IL21R: variants seen among roughly 807,000 people sequenced by gnomAD.
IL21R encodes interleukin-21 receptor.
IL21R carries 14 observed loss-of-function variants against 41.3 expected under a neutral mutation model. The ratio of observed to expected loss-of-function variants is 0.34; its 90% CI spans 0.22 to 0.53. The LOEUF is 0.53. IL21R is among the 20% of genes least tolerant of loss of function. IL21R has a pLI of 0.94. For missense variants in IL21R, 588 were observed against 681.6 expected, an observed-to-expected ratio of 0.86 and a Z score of 1.53; for synonymous variants, 286 against 287.6, an observed-to-expected ratio of 0.99 and a Z score of 0.05.
intron 4 of IL21R, among the ~76,000 whole-genome samples, chr16:27,438,970 A>T (rs1227743632): frequency 2.4e-4 from 37 of 151,752 alleles, no homozygotes; most frequent in Non-Finnish European, 1.5e-5. Flanking sequence ...GTGTACCCAA[A>T]GCGGCCCCAG....
At chr16:27,430,519 T>G (rs866854946) in intron 2 of IL21R, among the ~76,000 whole-genome samples, 5 of 152,296 alleles carry the variant, frequency 3.3e-5, no homozygotes, top group Middle Eastern at 6.8e-3. Flanking sequence ...TTGGAAATGT[T>G]TTTCAACAAT....
At chr16:27,421,335 C>CA (rs35250936) in intron 1 of IL21R, among the ~76,000 whole-genome samples, 8,062 of 84,118 alleles carry the variant, frequency 0.096, 410 homozygotes, top group East Asian at 0.12. Context: ...TCAATTTCTG[C>CA]AAAAAAAAAA....
intron 3 of IL21R, among the ~76,000 whole-genome samples, chr16:27,437,220 G>C: frequency 6.6e-6 from 1 of 152,208 alleles, no homozygotes; most frequent in Middle Eastern, 3.2e-3. Flanking sequence ...CCAAAATTGA[G>C]AGCTGCTGCC....
chr16:27,446,206 A>T, intron 8 of IL21R, 118 bp downstream of exon 8: 1 of 685,212 alleles, frequency 1.5e-6, no homozygotes, highest in Non-Finnish European at 2.4e-6. Flanking sequence ...TCCAGGTCTC[A>T]GCCAAGCCAC....
chr16:27,433,624 C>T (rs185724023), intron 2 of IL21R, among the ~76,000 whole-genome samples: 6 of 152,212 alleles, frequency 3.9e-5, no homozygotes, highest in Admixed American at 2.0e-4. Context: ...TAGAACACAG[C>T]GAAACAATTA....
intron 1 of IL21R, among the ~76,000 whole-genome samples, chr16:27,405,644 G>A (rs62030030): frequency 0.02 from 3,017 of 152,268 alleles, 49 homozygotes; most frequent in Middle Eastern, 0.031. Context: ...CCTGCCCTCC[G>A]GAGCCCCCGG....
chr16:27,436,473 T>C (rs535552400), intron 3 of IL21R, among the ~76,000 whole-genome samples: 1 of 152,222 alleles, frequency 6.6e-6, no homozygotes, highest in African/African-American at 2.4e-5. Context: ...CTGGGAGGCT[T>C]GGAGAGCATT....
In IL21R at chr16:27,451,891, ATGAT is replaced by A. The variant is rs1351690680; in HGVS notation, c.*2611_*2614del. ...CTTTAATAAAAAGCTTGAAGGAAGA[ATGAT>A]TGGTTGGATAGACAGAGATAAATGC... On this transcript the variant is annotated 3_prime_UTR_variant, in exon 9 of 9. Transcript: ENST00000337929. 4 of 229,886 alleles carry A rather than the reference ATGAT, an allele frequency of 1.7e-5. No individual in the cohort carries two copies. The highest frequency in any genetic ancestry group is 4.4e-5 in the African/African-American group (2 of 45,166). 14.2% of individuals were successfully genotyped at this position (229,886 alleles called of 1,614,324 possible).
Position 27,406,026 on chromosome 16 carries a change from G to A in IL21R, c.-17+3408G>A, listed in dbSNP as rs1184655314. Among the ~76,000 whole-genome samples the A allele has an allele frequency of 2.6e-5, 4 of 152,396 alleles. No homozygotes were observed. In the East Asian group the frequency reaches 7.7e-4, roughly 29 times the overall value. The stretch of plus-strand genomic sequence containing the variant: ...AGGCCCCTGCCATCCCCCACTGTGT[G>A]AACAGGACAAGGCCCTGGGCCTCTC... On this transcript the variant is annotated intron_variant, in intron 1 of 8. Coordinates refer to ENST00000337929, the MANE Select transcript of IL21R (RefSeq NM_181078.3).
rs759494920 is a variant in IL21R, at chr16:27,444,632, G to A, written c.598G>A (p.Val200Met). 8.2e-6 allele frequency: 13 copies of A among 1,591,060 alleles called. No individual in the cohort carries two copies. The highest frequency in any genetic ancestry group is 5.7e-5 in the South Asian group (5 of 87,668). Reference sequence around the variant, plus strand: ...CAAAGACTCGAGCTATGAGCTGCAGGTGCGGGCAGGGCCCATGCCTGGCTC... The same window carrying A: ...CAAAGACTCGAGCTATGAGCTGCAGATGCGGGCAGGGCCCATGCCTGGCTC... ...FRKDSSYELQ[V>M]RAGPMPGSSY... Residue 200 changes from valine (V) to methionine (M), a missense_variant, in exon 6 of 9, where the codon GTG becomes ATG. Physicochemically the swap from Val to Met is conservative, Grantham distance 21. Coordinates refer to ENST00000337929, the MANE Select transcript of IL21R (RefSeq NM_181078.3).
rs369091968 is a variant in IL21R, at chr16:27,451,885, G to A, written c.*2602G>A. On this transcript the variant is annotated 3_prime_UTR_variant, in exon 9 of 9. Transcript: ENST00000337929. ...TAATGGCTTTAATAAAAAGCTTGAA[G>A]GAAGAATGATTGGTTGGATAGACAG... The A allele has an allele frequency of 5.6e-5, 13 of 230,106 alleles. No homozygotes were observed. The highest frequency in any genetic ancestry group is 3.6e-4 in the South Asian group (2 of 5,498). The allele number at this position is 230,106 out of a possible 1,614,324, so 14.3% of individuals were successfully genotyped here.
Position 27,430,095 on chromosome 16 carries a change from C to G in IL21R, c.24C>G (p.Pro8=), listed in dbSNP as rs777584572. The G allele has an allele frequency of 1.9e-6, 3 of 1,605,362 alleles. No homozygotes were observed. Among genetic ancestry groups the G allele is most frequent in the Non-Finnish European group, 2.5e-6 (3 of 1,179,802 alleles). The change falls in exon 2 of 9, where the codon CCC becomes CCG. Residue 8 remains proline, a synonymous_variant. Coordinates refer to ENST00000337929, the MANE Select transcript of IL21R (RefSeq NM_181078.3). The part of the protein sequence containing the change: MPRGWAA[P]LLLLLLQGGW... ...GCATGCCGCGTGGCTGGGCCGCCCC[C>G]TTGCTCCTGCTGCTGCTCCAGGGAG...
At chr16:27,435,613 C>G (rs1357320988) in intron 3 of IL21R, among the ~76,000 whole-genome samples, 1 of 151,602 alleles carries the variant, frequency 6.6e-6, no homozygotes, top group Non-Finnish European at 1.5e-5. Flanking sequence ...ATCACCATAC[C>G]TGGATAATTT....
At position 27,437,513 on chromosome 16, in the gene IL21R, G is replaced by A. The variant is rs1350025238; in HGVS notation, c.178G>A (p.Asp60Asn). Residue 60 changes from aspartate (D) to asparagine (N), a missense_variant, in exon 4 of 9, where the codon GAC becomes AAC. Transcript: ENST00000337929. ...TWQDQYEELK[D>N]EATSCSLHRS... Reference sequence around the variant, plus strand: ...GCAAGACCAGTATGAAGAGCTGAAGGACGAGGCCACCTCCTGCAGCCTCCA... The same window carrying A: ...GCAAGACCAGTATGAAGAGCTGAAGAACGAGGCCACCTCCTGCAGCCTCCA... 6.2e-7 allele frequency: 1 copy of A among 1,613,854 alleles called. No homozygotes were observed. The highest frequency in any genetic ancestry group is 1.3e-5 in the African/African-American group (1 of 74,930).
At chr16:27,434,491 G>A (rs780380744) in intron 3 of IL21R, 42 bp downstream of exon 3, 1 of 1,294,194 alleles carries the variant, frequency 7.7e-7, no homozygotes, top group Non-Finnish European at 1.1e-6. Context: ...ATGCAATTCA[G>A]GGTGCCTGCT....
intron 4 of IL21R, among the ~76,000 whole-genome samples, chr16:27,440,246 T>TAGAG (rs1163938129): frequency 0.017 from 1,360 of 78,454 alleles, 6 homozygotes; most frequent in African/African-American, 0.02. Context: ...TATATATATA[T>TAGAG]ATAGAGAGAG....
At chr16:27,430,267 G>A (rs1254109554) in intron 2 of IL21R, 147 bp downstream of exon 2, 2 of 652,592 alleles carry the variant, frequency 3.1e-6, no homozygotes, top group Non-Finnish European at 5.3e-6. Context: ...GCTGACACGA[G>A]TCCAGTAGCC....
chr16:27,417,269 C>T (rs899231854), intron 1 of IL21R, among the ~76,000 whole-genome samples: 1 of 150,818 alleles, frequency 6.6e-6, no homozygotes, highest in African/African-American at 2.4e-5. Flanking sequence ...TCATGTGATC[C>T]TCCCACCTTA....
At chr16:27,410,139 C>T (rs987527431) in intron 1 of IL21R, among the ~76,000 whole-genome samples, 1 of 152,008 alleles carries the variant, frequency 6.6e-6, no homozygotes, top group African/African-American at 2.4e-5. Flanking sequence ...AGTTCGAGAC[C>T]AGCCTGGCCA....
Sources: allele counts gnomAD v4.1 joint callset (sites outside exome capture counted in the v4.1 genomes callset), GRCh38; gene constraint gnomAD v4.1.1; transcripts MANE v1.5; gene names NCBI Gene and HGNC (gene_info 2026-07-23, HGNC 2026-07-21).